KIF5A: variants seen among roughly 807,000 people sequenced by gnomAD.
KIF5A encodes kinesin family member 5A.
Under a neutral mutation model 141.3 loss-of-function variants are expected in KIF5A, and 35 were observed. The observed-to-expected ratio is 0.25, with a 90% CI of 0.19 to 0.33. The LOEUF (loss-of-function observed/expected upper bound fraction) is 0.33, where lower values mean the gene tolerates loss of function less well. KIF5A is among the 10% of genes least tolerant of loss of function. KIF5A has a pLI of 1.00. For synonymous variants in KIF5A, 448 were observed against 500.2 expected (o/e 0.90, Z 1.39); for missense variants, 861 against 1,314.3 (o/e 0.66, Z 5.33).
At chr12:57,557,356 T>C (rs1881777696) in intron 1 of KIF5A, among the ~76,000 whole-genome samples, 1 of 152,138 alleles carries the variant, frequency 6.6e-6, no homozygotes, top group Non-Finnish European at 1.5e-5. Context: ...TAGATTACAA[T>C]TTAAAATTAA....
At position 57,563,324 on chromosome 12, in the gene KIF5A, C is replaced by A. The variant is rs1881968098; in HGVS notation, c.130-115C>A. On this transcript the variant is annotated intron_variant, in intron 1 of 28. Coordinates refer to ENST00000455537, the MANE Select transcript of KIF5A (RefSeq NM_004984.4). ...CCGGCCATTCTCCCACATTTCTGTT[C>A]ATTAAGGGCATTGAAGAAAAGGGTG... is the stretch of plus-strand genomic sequence containing the variant. 3.9e-6 allele frequency: 3 copies of A among 771,514 alleles called. No homozygotes were observed. In the South Asian group the frequency reaches 4.3e-5, roughly 11 times the overall value. 47.8% of individuals were successfully genotyped at this position (771,514 alleles called of 1,614,324 possible). A position where few individuals can be genotyped will look rare whatever the true frequency, so the allele number is the denominator to read the frequency against.
chr12:57,578,839 G>A (rs985977921), intron 23 of KIF5A, among the ~76,000 whole-genome samples: 9 of 151,536 alleles, frequency 5.9e-5, no homozygotes, highest in South Asian at 2.1e-4. Flanking sequence ...CGAGGCGGGC[G>A]GATCACTTGA....
intron 20 of KIF5A, 124 bp downstream of exon 20, chr12:57,576,986 A>T: frequency 1.4e-6 from 1 of 723,158 alleles, no homozygotes; most frequent in Non-Finnish European, 2.4e-6. Context: ...GAAAAATATG[A>T]TGGGGTAGGG....
At chr12:57,562,631 C>T (rs1232042316) in intron 1 of KIF5A, among the ~76,000 whole-genome samples, 1 of 152,234 alleles carries the variant, frequency 6.6e-6, no homozygotes, top group Non-Finnish European at 1.5e-5. Context: ...CACAGAGGCT[C>T]TCAGTGTAGA....
rs1036616984 is a variant in KIF5A at position 57,550,052 on chromosome 12, C to T, written c.-220C>T. 3 of 572,712 alleles carry T rather than the reference C, an allele frequency of 5.2e-6. No homozygotes were observed. Among genetic ancestry groups the T allele is most frequent in the African/African-American group, 3.8e-5 (2 of 52,790 alleles). 35.5% of individuals were successfully genotyped at this position (572,712 alleles called of 1,614,324 possible). A position where few individuals can be genotyped will look rare whatever the true frequency, so the allele number is the denominator to read the frequency against. ...GCGAGGGGCGGAGAGGCAGAGAGCCCGAAAGGACCAGACGCCCAGGTCGCC... is the reference window on the plus strand; with the variant it reads ...GCGAGGGGCGGAGAGGCAGAGAGCCTGAAAGGACCAGACGCCCAGGTCGCC... On this transcript the variant is annotated 5_prime_UTR_variant, in exon 1 of 29. Transcript: ENST00000455537. This position sits in a 1 kb window ranked among gnomAD's most constrained non-coding sequence, Gnocchi z 4.6.
intron 1 of KIF5A, among the ~76,000 whole-genome samples, chr12:57,551,723 G>A (rs989699037): frequency 2.0e-5 from 3 of 152,168 alleles, no homozygotes; most frequent in Admixed American, 6.5e-5. Context: ...AAGGAAAGAA[G>A]GGGAGGAAGC....
intron 1 of KIF5A, among the ~76,000 whole-genome samples, chr12:57,552,432 C>G (rs1422405555): frequency 2.0e-5 from 3 of 152,202 alleles, no homozygotes; most frequent in Admixed American, 6.5e-5. Flanking sequence ...TCTTCCTTGT[C>G]TGTTTTGCCT....
chr12:57,567,389 G>A, intron 7 of KIF5A, 105 bp from the exon 8 acceptor site: 2 of 1,115,414 alleles, frequency 1.8e-6, no homozygotes, highest in African/African-American at 1.6e-5. Context: ...GTCCTGGTGG[G>A]CACCTTCTCT....
chr12:57,581,260 C>G, intron 24 of KIF5A, 88 bp downstream of exon 24: 5 of 1,494,786 alleles, frequency 3.3e-6, no homozygotes, highest in Non-Finnish European at 4.6e-6. Context: ...ATTATTGCTT[C>G]TTACCTACCC....
At chr12:57,570,196 C>A in intron 12 of KIF5A, 34 bp downstream of exon 12, 1 of 1,605,394 alleles carries the variant, frequency 6.2e-7, no homozygotes, top group Non-Finnish European at 8.5e-7. Context: ...TGAGGCACGC[C>A]AGGTGGGATG....
rs2140151164 is a variant in KIF5A, at chr12:57,551,636, G to A, written c.129+1236G>A. Among the ~76,000 whole-genome samples the A allele has an allele frequency of 2.0e-5, 3 of 152,302 alleles. No individual in the cohort carries two copies. In the South Asian group the frequency reaches 6.2e-4, roughly 32 times the overall value. On this transcript the variant is annotated intron_variant, in intron 1 of 28. Coordinates refer to ENST00000455537, the MANE Select transcript of KIF5A (RefSeq NM_004984.4). ...AGGGGCATGTACGAGGGCAGTCAAG[G>A]TCAGAGGTGCTTCTTATGTATCTTT...
chr12:57,554,426 A>G (rs1237960266), intron 1 of KIF5A, among the ~76,000 whole-genome samples: 1 of 152,242 alleles, frequency 6.6e-6, no homozygotes, highest in Non-Finnish European at 1.5e-5. Context: ...TTTATATGCT[A>G]TCTCCCCACA....
chr12:57,574,081 C>CAAAA (rs1160470796), intron 15 of KIF5A, among the ~76,000 whole-genome samples: 1 of 64,284 alleles, frequency 1.6e-5, no homozygotes, highest in Non-Finnish European at 3.5e-5. Context: ...GACTCTGTCT[C>CAAAA]AAAAAAAAAA....
intron 17 of KIF5A, 103 bp downstream of exon 17, chr12:57,575,860 A>G: frequency 2.0e-6 from 2 of 984,530 alleles, no homozygotes; most frequent in East Asian, 2.4e-5. Flanking sequence ...TTAGCTTGAA[A>G]TCATGGATGC....
At chr12:57,554,458 G>A (rs1288058385) in intron 1 of KIF5A, among the ~76,000 whole-genome samples, 1 of 152,158 alleles carries the variant, frequency 6.6e-6, no homozygotes, top group Non-Finnish European at 1.5e-5. Context: ...ACAAAATTGG[G>A]AAGTGGGTAA....
chr12:57,569,052 A>G lies in KIF5A; in HGVS notation c.804A>G (p.Ala268=), dbSNP rs745595172. Residue 268 remains alanine, a synonymous_variant, in exon 9 of 29, where the codon GCA becomes GCG. Coordinates refer to ENST00000455537, the MANE Select transcript of KIF5A (RefSeq NM_004984.4). ...SLSALGNVIS[A]LAEGTKSYVP... Reference sequence around the variant, plus strand: ...CAGCTCTGGGCAATGTGATCTCCGCACTGGCTGAGGGCACTGTGAGTGATC... The same window carrying G: ...CAGCTCTGGGCAATGTGATCTCCGCGCTGGCTGAGGGCACTGTGAGTGATC... 13 of 1,613,458 alleles carry G rather than the reference A, an allele frequency of 8.1e-6. No homozygotes were observed. In the South Asian group the frequency reaches 1.3e-4, roughly 16 times the overall value.
intron 3 of KIF5A, among the ~76,000 whole-genome samples, 165 bp from the exon 4 acceptor site, chr12:57,563,943 C>T (rs1162621823): frequency 6.6e-6 from 1 of 152,182 alleles, no homozygotes; most frequent in Non-Finnish European, 1.5e-5. Context: ...CAAAGGGCTA[C>T]TCAATTATCT....
intron 11 of KIF5A, 99 bp from the exon 12 acceptor site, chr12:57,569,888 C>T (rs747602414): frequency 1.4e-6 from 2 of 1,455,902 alleles, no homozygotes; most frequent in East Asian, 4.8e-5. Flanking sequence ...GAGGGTCCAC[C>T]TGGCAAGAGA....
At chr12:57,579,544 A>T (rs1882531264) in intron 23 of KIF5A, among the ~76,000 whole-genome samples, 1 of 152,024 alleles carries the variant, frequency 6.6e-6, no homozygotes, top group African/African-American at 2.4e-5. Flanking sequence ...GCCCAGTGAT[A>T]ATGTACAGAG....
Sources: allele counts gnomAD v4.1 joint callset (sites outside exome capture counted in the v4.1 genomes callset), GRCh38; gene constraint gnomAD v4.1.1; non-coding constraint Gnocchi (gnomAD v3.1); transcripts MANE v1.5; gene names NCBI Gene and HGNC (gene_info 2026-07-23, HGNC 2026-07-21).